Variants in TAFA2 observed in about 807,000 individuals in gnomAD.
TAFA2 encodes TAFA chemokine like family member 2.
TAFA2 carries 7 observed loss-of-function variants against 18.8 expected under a neutral mutation model. That is an observed-to-expected ratio of 0.37 (90% CI 0.21 to 0.70). The LOEUF is 0.70. Ranked by LOEUF, TAFA2 falls within the 30% of genes least tolerant of loss-of-function variation. The probability of loss-of-function intolerance (pLI) is 0.53; values close to 1 mark genes in which losing one functional copy is unlikely to be tolerated. For synonymous variants in TAFA2, 60 were observed against 54.2 expected, an observed-to-expected ratio of 1.11 and a Z score of -0.47; for missense variants, 122 against 158.1, an observed-to-expected ratio of 0.77 and a Z score of 1.23.
chr12:61,992,256 A>G (rs1262664211), intron 1 of TAFA2, among the ~76,000 whole-genome samples: 1 of 152,134 alleles, frequency 6.6e-6, no homozygotes, highest in Non-Finnish European at 1.5e-5. Context: ...ATGTTTGATA[A>G]TTTCTCCCAT....
chr12:61,996,271 G>A (rs187825475), intron 1 of TAFA2, among the ~76,000 whole-genome samples: 4 of 152,272 alleles, frequency 2.6e-5, no homozygotes, highest in African/African-American at 9.6e-5. Context: ...AGATTAAGAT[G>A]ACTAAAAGGA....
At chr12:62,134,785 C>T (rs892487932) in intron 1 of TAFA2, among the ~76,000 whole-genome samples, 2 of 151,970 alleles carry the variant, frequency 1.3e-5, no homozygotes, top group African/African-American at 4.8e-5. Context: ...TACTACTTCT[C>T]CAGTTAACTT....
At chr12:61,986,147 T>G (rs1879805886) in intron 1 of TAFA2, among the ~76,000 whole-genome samples, 1 of 145,942 alleles carries the variant, frequency 6.9e-6, no homozygotes, top group African/African-American at 2.5e-5. Flanking sequence ...ACATAGACAA[T>G]CTAAGCTCTT....
chr12:61,886,437 T>C (rs1405913465), intron 1 of TAFA2, among the ~76,000 whole-genome samples: 1 of 152,192 alleles, frequency 6.6e-6, no homozygotes, highest in African/African-American at 2.4e-5. Flanking sequence ...CTTTGCTACC[T>C]CCAGACAACG....
At chr12:61,923,737 G>A (rs957155413) in intron 1 of TAFA2, among the ~76,000 whole-genome samples, 5 of 152,188 alleles carry the variant, frequency 3.3e-5, no homozygotes, top group Admixed American at 2.6e-4. Context: ...TGGAGAATGA[G>A]TTTGACGAAC....
At chr12:62,009,999 A>G (rs1229321515) in intron 1 of TAFA2, among the ~76,000 whole-genome samples, 1 of 152,242 alleles carries the variant, frequency 6.6e-6, no homozygotes, top group Non-Finnish European at 1.5e-5. Context: ...AGACTGGTCA[A>G]TTGAGGTAGT....
intron 1 of TAFA2, among the ~76,000 whole-genome samples, chr12:62,168,498 T>C (rs1188541525): frequency 1.3e-5 from 2 of 152,100 alleles, no homozygotes; most frequent in South Asian, 2.1e-4. Context: ...GCTGATAAAC[T>C]GCAAAGAAAA....
chr12:61,836,732 G>GATATATATGTATATATATATAT (rs58543429), intron 2 of TAFA2, among the ~76,000 whole-genome samples: 47 of 112,768 alleles, frequency 4.2e-4, no homozygotes, highest in South Asian at 1.5e-3. Context: ...TTGCCAATTT[G>GATATATATGTATATATATATAT]ATATATATAT....
intron 1 of TAFA2, among the ~76,000 whole-genome samples, chr12:62,225,760 G>A (rs544999444): frequency 6.6e-6 from 1 of 152,244 alleles, no homozygotes; most frequent in East Asian, 1.9e-4. Context: ...TATGTATAAA[G>A]ATACCCCAAA....
intron 1 of TAFA2, among the ~76,000 whole-genome samples, chr12:62,257,015 G>A (rs547636815): frequency 4.7e-4 from 71 of 152,128 alleles, no homozygotes; most frequent in African/African-American, 1.6e-3. Flanking sequence ...AGGACAAGGA[G>A]AAGGAAAAAC....
At chr12:62,227,420 T>C (rs2062791742) in intron 1 of TAFA2, among the ~76,000 whole-genome samples, 1 of 152,192 alleles carries the variant, frequency 6.6e-6, no homozygotes, top group African/African-American at 2.4e-5. Flanking sequence ...AGAAGGGTAT[T>C]TGTCTTTTTT....
chr12:61,778,854 G>T (rs145555837), intron 2 of TAFA2, among the ~76,000 whole-genome samples: 7 of 151,842 alleles, frequency 4.6e-5, no homozygotes, highest in Non-Finnish European at 1.5e-5. Context: ...GCCCCCATCT[G>T]CTTCTGGGAA....
intron 1 of TAFA2, among the ~76,000 whole-genome samples, chr12:61,877,484 C>A (rs938681342): frequency 6.6e-6 from 1 of 151,958 alleles, no homozygotes; most frequent in Admixed American, 6.6e-5. Context: ...GAAATTATGC[C>A]CCAAGGTGGT....
intron 1 of TAFA2, among the ~76,000 whole-genome samples, chr12:61,997,357 C>T (rs768957696): frequency 6.6e-5 from 10 of 151,776 alleles, no homozygotes; most frequent in Admixed American, 6.6e-5. Context: ...GGAAATAATC[C>T]GAGGCAAAGG....
intron 4 of TAFA2, among the ~76,000 whole-genome samples, chr12:61,745,670 A>G (rs1386309550): frequency 6.6e-6 from 1 of 152,006 alleles, no homozygotes; most frequent in Non-Finnish European, 1.5e-5. Context: ...CCAAAGATAT[A>G]CTCCCGAGAT....
At chr12:62,062,783 T>C (rs771233281) in intron 1 of TAFA2, among the ~76,000 whole-genome samples, 1 of 152,138 alleles carries the variant, frequency 6.6e-6, no homozygotes, top group Non-Finnish European at 1.5e-5. Flanking sequence ...GCTGACAAAA[T>C]TAAGGTCCTT....
At chr12:61,914,519 CTG>C (rs1259311013) in intron 1 of TAFA2, among the ~76,000 whole-genome samples, 4 of 152,108 alleles carry the variant, frequency 2.6e-5, no homozygotes, top group Non-Finnish European at 5.9e-5. Flanking sequence ...ATTAAAATGA[CTG>C]GTGTTATTCC....
At chr12:62,122,017 T>C (rs1185204063) in intron 1 of TAFA2, among the ~76,000 whole-genome samples, 1 of 152,104 alleles carries the variant, frequency 6.6e-6, no homozygotes, top group Non-Finnish European at 1.5e-5. Flanking sequence ...GGAAGCTAAA[T>C]GATGAGAACA....
intron 2 of TAFA2, among the ~76,000 whole-genome samples, chr12:61,756,099 T>A (rs75906900): frequency 6.6e-6 from 1 of 152,152 alleles, no homozygotes; most frequent in East Asian, 1.9e-4. Context: ...ATCTTCCCAT[T>A]GAAGATGAGT....
Sources: gnomAD v4.1 joint callset for allele counts (sites outside exome capture counted in the v4.1 genomes callset) on GRCh38, gnomAD v4.1.1 for gene constraint, MANE v1.5 for transcripts, NCBI Gene and HGNC (gene_info 2026-07-23, HGNC 2026-07-21) for gene names.